SLC9C2: variants seen among roughly 807,000 people sequenced by gnomAD.
SLC9C2 encodes the protein solute carrier family 9 member C2 (putative).
SLC9C2 carries 75 observed loss-of-function variants against 140.2 expected under a neutral mutation model. The observed-to-expected ratio is 0.53, with a 90% CI of 0.44 to 0.65. SLC9C2 has a LOEUF of 0.65. Among genes scored for constraint, SLC9C2 ranks in the 30% least tolerant of loss-of-function variants. The probability of loss-of-function intolerance (pLI) is 0.00; values close to 1 mark genes in which losing one functional copy is unlikely to be tolerated. For synonymous variants in SLC9C2, 375 were observed against 420.9 expected (o/e 0.89, Z 1.34); for missense variants, 1,074 against 1,331.8 (o/e 0.81, Z 3.01).
intron 26 of SLC9C2, among the ~76,000 whole-genome samples, chr1:173,504,928 C>T (rs1659523612): frequency 1.3e-5 from 2 of 152,186 alleles, no homozygotes; most frequent in African/African-American, 4.8e-5. Context: ...TGTTCCCTCC[C>T]CATTCTTGCA....
Position 173,585,647 on chromosome 1 carries a change from C to A in SLC9C2, c.523+2018G>T, listed in dbSNP as rs74225379. Reference sequence around the variant, plus strand: ...ATAAAAATTAAGAGCCAACCCAATACCTTCACTAGTTTCGTCTTAAAGCAA... The same window carrying A: ...ATAAAAATTAAGAGCCAACCCAATAACTTCACTAGTTTCGTCTTAAAGCAA... On this transcript the variant is annotated intron_variant, in intron 5 of 27. Transcript: ENST00000367714. 8.5e-5 allele frequency among the ~76,000 whole-genome samples: 13 copies of A among 152,220 alleles called. No homozygotes were observed. In the East Asian group the frequency reaches 2.5e-3, roughly 29 times the overall value.
intron 8 of SLC9C2, among the ~76,000 whole-genome samples, chr1:173,573,616 C>T (rs1458509423): frequency 1.3e-5 from 2 of 152,194 alleles, no homozygotes; most frequent in Non-Finnish European, 2.9e-5. Context: ...TTATCAATTT[C>T]TCTGGGATTC....
Position 173,573,257 on chromosome 1 carries a change from C to T in SLC9C2, c.971G>A (p.Cys324Tyr). ...AAATTCATAGTGGCTGAGTTCTCCA[C>T]ATCCAATCACAATGCCAAAGAAAGC... Reference protein sequence around the residue: ...IYAFFGIVIGCGELSHYEFHT... With the variant: ...IYAFFGIVIGYGELSHYEFHT... Residue 324 changes from cysteine (C) to tyrosine (Y), a missense_variant, in exon 9 of 28, where the codon TGT (cysteine) becomes TAT (tyrosine). Physicochemically the swap from Cys to Tyr is radical, Grantham distance 194. Coordinates refer to ENST00000367714, the MANE Select transcript of SLC9C2 (RefSeq NM_178527.4). 1 of 1,583,114 alleles carries T rather than the reference C, an allele frequency of 6.3e-7. No individual in the cohort carries two copies. The highest frequency in any genetic ancestry group is 8.7e-7 in the Non-Finnish European group (1 of 1,153,198).
chr1:173,556,440 AT>A (rs1227047577), intron 10 of SLC9C2, among the ~76,000 whole-genome samples: 5 of 152,178 alleles, frequency 3.3e-5, no homozygotes, highest in Admixed American at 6.5e-5. Flanking sequence ...CGAGAAATAA[AT>A]TTTTTAAAAT....
At chr1:173,534,725 A>G (rs10798285) in intron 15 of SLC9C2, 43 bp from the exon 16 acceptor site, 326,874 of 1,326,068 alleles carry the variant, frequency 0.25, 48,537 homozygotes, top group East Asian at 0.64. Context: ...TTAAAAGTAT[A>G]ATTAGCAGCT....
At chr1:173,507,355 A>C (rs1169253054) in intron 24 of SLC9C2, among the ~76,000 whole-genome samples, 1 of 152,236 alleles carries the variant, frequency 6.6e-6, no homozygotes, top group Non-Finnish European at 1.5e-5. Context: ...TAAAAGATTC[A>C]GAGTTTCACT....
At chr1:173,542,316 T>C (rs1662495011) in intron 13 of SLC9C2, among the ~76,000 whole-genome samples, 1 of 151,812 alleles carries the variant, frequency 6.6e-6, no homozygotes, top group African/African-American at 2.4e-5. Flanking sequence ...CAGGAAGAAG[T>C]TGAATGGCTG....
At chr1:173,564,318 A>T (rs1664307405) in intron 9 of SLC9C2, among the ~76,000 whole-genome samples, 1 of 152,232 alleles carries the variant, frequency 6.6e-6, no homozygotes, top group Admixed American at 6.5e-5. Flanking sequence ...CATTCCCACC[A>T]ACAGTGTATG....
intron 4 of SLC9C2, among the ~76,000 whole-genome samples, chr1:173,595,952 C>T (rs1456073992): frequency 1.3e-5 from 2 of 152,090 alleles, no homozygotes. Flanking sequence ...TTCCCCAACA[C>T]CATTCCCTAG....
intron 24 of SLC9C2, among the ~76,000 whole-genome samples, 168 bp from the exon 25 acceptor site, chr1:173,507,209 A>T (rs1318731055): frequency 1.3e-5 from 2 of 152,128 alleles, no homozygotes; most frequent in African/African-American, 2.4e-5. Flanking sequence ...CCTCTGACAA[A>T]TTTCTAAATT....
At chr1:173,595,468 T>G (rs1195789999) in intron 4 of SLC9C2, among the ~76,000 whole-genome samples, 1 of 152,170 alleles carries the variant, frequency 6.6e-6, no homozygotes, top group Non-Finnish European at 1.5e-5. Flanking sequence ...TTGGCCAAAC[T>G]ATCTTCTTAG....
chr1:173,550,415 T>TTTA (rs1558056874), intron 11 of SLC9C2, among the ~76,000 whole-genome samples: 8 of 148,740 alleles, frequency 5.4e-5, no homozygotes, highest in African/African-American at 2.0e-4. Flanking sequence ...TTTTTTATTT[T>TTTA]TTTATTTTAT....
chr1:173,532,539 AG>A (rs1661653336), intron 17 of SLC9C2, among the ~76,000 whole-genome samples: 1 of 152,216 alleles, frequency 6.6e-6, no homozygotes, highest in Non-Finnish European at 1.5e-5. Context: ...TAAATTCCAT[AG>A]GTAGTATCCT....
chr1:173,559,455 T>C lies in SLC9C2; in HGVS notation c.1047-1947A>G, dbSNP rs147422656. On this transcript the variant is annotated intron_variant, in intron 9 of 27. Coordinates refer to ENST00000367714, the MANE Select transcript of SLC9C2 (RefSeq NM_178527.4). ...CTACTGGGAAGTATTCTTGGTCTAT[T>C]TTTTTCAGCAAGGCCAATGCATGGT... Among the ~76,000 whole-genome samples, 606 of 152,354 alleles carry C rather than the reference T, an allele frequency of 4.0e-3. 7 individuals carry two copies. The highest frequency in any genetic ancestry group is 0.014 in the African/African-American group (581 of 41,578).
Position 173,541,415 on chromosome 1 carries a change from T to A in SLC9C2, c.1558-4376A>T, listed in dbSNP as rs6425242. On this transcript the variant is annotated intron_variant, in intron 13 of 27. Transcript: ENST00000367714. ...AATCCCACATAATAATAATGGGAGA[T>A]TTTAACACCCCACTGTCAATATTAG... 1.1e-4 allele frequency among the ~76,000 whole-genome samples: 17 copies of A among 151,646 alleles called. 1 individual carries two copies. Among genetic ancestry groups the A allele is most frequent in the Non-Finnish European group, 2.9e-5 (2 of 67,906 alleles).
At chr1:173,556,691 T>G (rs1424215729) in intron 10 of SLC9C2, among the ~76,000 whole-genome samples, 2 of 151,796 alleles carry the variant, frequency 1.3e-5, no homozygotes, top group African/African-American at 2.4e-5. Flanking sequence ...CCGAGACAGG[T>G]GGATCACCTG....
At chr1:173,532,518 C>G (rs1334074942) in intron 17 of SLC9C2, among the ~76,000 whole-genome samples, 1 of 152,062 alleles carries the variant, frequency 6.6e-6, no homozygotes, top group Non-Finnish European at 1.5e-5. Context: ...AATTGAAGGC[C>G]ACAGTAAAAT....
At chr1:173,553,379 C>T (rs1663454692) in intron 11 of SLC9C2, among the ~76,000 whole-genome samples, 1 of 152,228 alleles carries the variant, frequency 6.6e-6, no homozygotes, top group African/African-American at 2.4e-5. Flanking sequence ...AAGCTCTACT[C>T]TATGTAAAAT....
Position 173,554,720 on chromosome 1 carries a change from A to T in SLC9C2, c.1297+13T>A. The T allele has an allele frequency of 1.3e-6, 2 of 1,549,946 alleles. No individual in the cohort carries two copies. The highest frequency in any genetic ancestry group is 1.8e-6 in the Non-Finnish European group (2 of 1,122,242). On this transcript the variant is annotated intron_variant, in intron 11 of 27. Transcript: ENST00000367714. ...TCTCCCCAGCTAATTCATGAATGAG[A>T]CACATACTTTACCTAACTTCCTGGC...
Sources: allele counts gnomAD v4.1 joint callset (sites outside exome capture counted in the v4.1 genomes callset), GRCh38; gene constraint gnomAD v4.1.1; transcripts MANE v1.5; gene names NCBI Gene and HGNC (gene_info 2026-07-23, HGNC 2026-07-21).